Variants in BRMS1L observed in about 807,000 individuals in gnomAD.
BRMS1L encodes the protein BRMS1 like transcriptional repressor.
In BRMS1L, 23 loss-of-function variants were observed where a neutral mutation model predicts 50.3. The observed-to-expected ratio is 0.46, with a 90% confidence interval of 0.33 to 0.65. The LOEUF is 0.65. Ranked by LOEUF, BRMS1L falls within the 30% of genes least tolerant of loss-of-function variation. BRMS1L has a pLI of 0.02. For missense variants in BRMS1L, 286 were observed against 386.1 expected, an observed-to-expected ratio of 0.74 and a Z score of 2.17; for synonymous variants, 114 against 126.9, an observed-to-expected ratio of 0.90 and a Z score of 0.69.
intron 4 of BRMS1L, among the ~76,000 whole-genome samples, chr14:35,841,479 A>G (rs2078062195): frequency 2.0e-5 from 3 of 151,878 alleles, no homozygotes; most frequent in Admixed American, 2.0e-4. Context: ...TTGTATTTTT[A>G]GTAGAGATGG....
chr14:35,846,971 A>T (rs1002476677), intron 4 of BRMS1L, among the ~76,000 whole-genome samples: 20 of 147,612 alleles, frequency 1.4e-4, no homozygotes, highest in South Asian at 6.3e-4. Flanking sequence ...CTGTTTTTTT[A>T]AAAAAAAACA....
rs377350194 is a variant in BRMS1L at position 35,852,862 on chromosome 14, C to T, written c.442-9728C>T. Among the ~76,000 whole-genome samples, 16 of 151,856 alleles carry T rather than the reference C, an allele frequency of 1.1e-4. No individual in the cohort carries two copies. In the South Asian group the frequency reaches 1.5e-3, roughly 14 times the overall value. On this transcript the variant is annotated intron_variant, in intron 4 of 9. Coordinates refer to ENST00000216807, the MANE Select transcript of BRMS1L (RefSeq NM_032352.4). ...AGGAGAATGGCGTGAACCCGGGAGG[C>T]GAAGCTTGCAGTGAGCCGAGATAGT...
intron 4 of BRMS1L, among the ~76,000 whole-genome samples, chr14:35,857,904 G>T (rs1392994896): frequency 6.9e-6 from 1 of 144,152 alleles, no homozygotes; most frequent in Admixed American, 7.0e-5. Context: ...GCCTCCTAAT[G>T]CTGTTTTTTT....
chr14:35,870,386 A>G lies in BRMS1L; in HGVS notation c.881A>G (p.Asp294Gly). 1 of 1,604,680 alleles carries G rather than the reference A, an allele frequency of 6.2e-7. No homozygotes were observed. The highest frequency in any genetic ancestry group is 8.5e-7 in the Non-Finnish European group (1 of 1,174,622). Reference sequence around the variant, plus strand: ...GCTGTAATTACAACAATTAACCATGATGAAGTTTGGTTTAAGAGGCCTGAT... The same window carrying G: ...GCTGTAATTACAACAATTAACCATGGTGAAGTTTGGTTTAAGAGGCCTGAT... ...TSAVITTINH[D>G]EVWFKRPDGS... Residue 294 changes from aspartate to glycine, a missense_variant, in exon 10 of 10, where the codon GAT (aspartate) becomes GGT (glycine). Coordinates refer to ENST00000216807, the MANE Select transcript of BRMS1L (RefSeq NM_032352.4).
At chr14:35,867,217 A>T (rs1442861910) in intron 8 of BRMS1L, among the ~76,000 whole-genome samples, 2 of 152,196 alleles carry the variant, frequency 1.3e-5, no homozygotes, top group Non-Finnish European at 2.9e-5. Flanking sequence ...ATATGTAGAT[A>T]AACAGTTAAG....
intron 1 of BRMS1L, among the ~76,000 whole-genome samples, chr14:35,828,471 CTTTTTTT>C (rs780984053): frequency 3.0e-5 from 3 of 99,278 alleles, no homozygotes; most frequent in Non-Finnish European, 5.9e-5. Flanking sequence ...CATTCCCAGC[CTTTTTTT>C]TTTTTTTTTT....
intron 4 of BRMS1L, among the ~76,000 whole-genome samples, chr14:35,841,916 A>G (rs150260495): frequency 0.022 from 3,373 of 150,956 alleles, 134 homozygotes; most frequent in South Asian, 0.15. Flanking sequence ...TCTGTTTACC[A>G]TTATGTAATG....
chr14:35,834,744 A>G, intron 3 of BRMS1L, 100 bp from the exon 4 acceptor site: 3 of 745,444 alleles, frequency 4.0e-6, no homozygotes, highest in Non-Finnish European at 3.8e-6. Context: ...TTTTTTCTTG[A>G]TCCATCTTAT....
chr14:35,858,346 C>T (rs1461629075), intron 4 of BRMS1L, among the ~76,000 whole-genome samples: 1 of 152,162 alleles, frequency 6.6e-6, no homozygotes, highest in African/African-American at 2.4e-5. Context: ...CTGCATCTGT[C>T]TTCTTGGGGC....
intron 6 of BRMS1L, among the ~76,000 whole-genome samples, chr14:35,864,262 T>C (rs1171592599): frequency 1.3e-5 from 2 of 152,110 alleles, no homozygotes; most frequent in Non-Finnish European, 2.9e-5. Flanking sequence ...TTCTCATGTG[T>C]ACTTTTTTTT....
chr14:35,857,069 C>T (rs765423281), intron 4 of BRMS1L, among the ~76,000 whole-genome samples: 5 of 151,720 alleles, frequency 3.3e-5, no homozygotes, highest in African/African-American at 7.2e-5. Flanking sequence ...GATGAAACCC[C>T]GTCTGTACCA....
At chr14:35,838,790 A>T (rs533757085) in intron 4 of BRMS1L, among the ~76,000 whole-genome samples, 217 of 152,224 alleles carry the variant, frequency 1.4e-3, no homozygotes, top group Non-Finnish European at 1.9e-3. Context: ...AGATGGATAG[A>T]TTGCAAAAAT....
intron 4 of BRMS1L, among the ~76,000 whole-genome samples, chr14:35,841,611 TATA>T (rs951581102): frequency 3.9e-5 from 6 of 152,360 alleles, no homozygotes; most frequent in African/African-American, 1.4e-4. Flanking sequence ...TGGTCAATTT[TATA>T]ATAAGTATGA....
At chr14:35,832,361 A>G (rs1354896223) in intron 2 of BRMS1L, among the ~76,000 whole-genome samples, 2 of 151,388 alleles carry the variant, frequency 1.3e-5, no homozygotes, top group Middle Eastern at 3.4e-3. Flanking sequence ...AAAAAAAAAA[A>G]AAAAAAAATT....
Position 35,831,479 on chromosome 14 carries a change from A to T in BRMS1L, c.212A>T (p.Gln71Leu). Residue 71 changes from glutamine (Q) to leucine (L), a missense_variant, in exon 2 of 10, where the codon CAG becomes CTG. Physicochemically the swap from Gln to Leu is moderately radical, Grantham distance 113 (BLOSUM62 -2). Around this residue, in one of 5 missense-constraint regions of BRMS1L, gnomAD observed 160 missense variants for 240.6 expected, o/e 0.66. Transcript: ENST00000216807. ...CLDEMSNLEK[Q>L]FTDLKDQLYK... Reference sequence around the variant, plus strand: ...GATGAAATGTCCAATCTTGAAAAACAGTTTACCGATCTCAAAGATCAGTAA... The same window carrying T: ...GATGAAATGTCCAATCTTGAAAAACTGTTTACCGATCTCAAAGATCAGTAA... The T allele has an allele frequency of 6.2e-7, 1 of 1,613,770 alleles. No individual in the cohort carries two copies. Among genetic ancestry groups the T allele is most frequent in the Non-Finnish European group, 8.5e-7 (1 of 1,179,666 alleles).
At chr14:35,828,790 A>C (rs1485692306) in intron 1 of BRMS1L, among the ~76,000 whole-genome samples, 1 of 152,148 alleles carries the variant, frequency 6.6e-6, no homozygotes, top group Non-Finnish European at 1.5e-5. Context: ...CAGTATGCTT[A>C]AGATTGCCCA....
intron 1 of BRMS1L, among the ~76,000 whole-genome samples, chr14:35,829,388 T>C (rs1439522246): frequency 1.3e-5 from 2 of 152,242 alleles, no homozygotes; most frequent in Non-Finnish European, 2.9e-5. Flanking sequence ...TTTTTAACTT[T>C]TAAAAATTCC....
At chr14:35,842,344 C>T (rs2078078096) in intron 4 of BRMS1L, among the ~76,000 whole-genome samples, 1 of 152,076 alleles carries the variant, frequency 6.6e-6, no homozygotes, top group South Asian at 2.1e-4. Flanking sequence ...TTAGTGCTTC[C>T]TTCAGGAGCT....
At chr14:35,834,309 T>G (rs1007425282) in intron 3 of BRMS1L, among the ~76,000 whole-genome samples, 23 of 152,144 alleles carry the variant, frequency 1.5e-4, no homozygotes, top group African/African-American at 5.5e-4. Context: ...TGGGTATCCA[T>G]CCTCTAGATA....
Sources: allele counts gnomAD v4.1 joint callset (sites outside exome capture counted in the v4.1 genomes callset), GRCh38; gene constraint gnomAD v4.1.1; regional missense constraint gnomAD v4.1.1; transcripts MANE v1.5; gene names NCBI Gene and HGNC (gene_info 2026-07-23, HGNC 2026-07-21).